Variants in PSPC1 observed in about 807,000 individuals in gnomAD.
PSPC1 encodes paraspeckle protein 1.
Under a neutral mutation model 51.6 loss-of-function variants are expected in PSPC1, and 14 were observed. That is an observed-to-expected ratio of 0.27 (90% CI 0.18 to 0.42). The LOEUF (loss-of-function observed/expected upper bound fraction) is 0.42. PSPC1 is among the 10% of genes least tolerant of loss of function. PSPC1 has a pLI of 1.00. For synonymous variants in PSPC1, 193 were observed against 231.9 expected (o/e 0.83, Z 1.53); for missense variants, 406 against 701.1 (o/e 0.58, Z 4.75).
At chr13:19,697,643 T>C (rs1360518527), downstream of PSPC1, among the ~76,000 whole-genome samples, 1 of 152,122 alleles carries the variant, frequency 6.6e-6, no homozygotes, top group Non-Finnish European at 1.5e-5. Flanking sequence ...ACTCAAAGAA[T>C]TAACATACAG....
At chr13:19,710,181 GA>G (rs1417366723) in intron 6 of PSPC1, among the ~76,000 whole-genome samples, 1 of 152,116 alleles carries the variant, frequency 6.6e-6, no homozygotes, top group Non-Finnish European at 1.5e-5. Context: ...AGCAATTACT[GA>G]AAGCTCGACA....
At chr13:19,674,431 C>G (rs1481922102), downstream of PSPC1, among the ~76,000 whole-genome samples, 4 of 152,188 alleles carry the variant, frequency 2.6e-5, no homozygotes, top group African/African-American at 9.7e-5. Context: ...TCAGGAGAGT[C>G]TATTTGAAGC....
intron 5 of PSPC1, among the ~76,000 whole-genome samples, chr13:19,735,969 C>T (rs1000871752): frequency 1.3e-4 from 20 of 152,102 alleles, no homozygotes; most frequent in Non-Finnish European, 2.4e-4. Context: ...TACAGGCGCC[C>T]GCCACCACGT....
intron 6 of PSPC1, among the ~76,000 whole-genome samples, chr13:19,720,313 T>C (rs1284196080): frequency 6.6e-6 from 1 of 152,114 alleles, no homozygotes; most frequent in Non-Finnish European, 1.5e-5. Context: ...GGTCAAGGTA[T>C]GAAAGGTGAA....
intron 6 of PSPC1, among the ~76,000 whole-genome samples, chr13:19,687,499 CCAAGAT>C (rs1363696042): frequency 6.6e-6 from 1 of 152,184 alleles, no homozygotes; most frequent in Non-Finnish European, 1.5e-5. Flanking sequence ...AATTCTCTAG[CCAAGAT>C]CTTTTCCCCG....
chr13:19,686,057 G>C (rs999783606), intron 6 of PSPC1, among the ~76,000 whole-genome samples: 2 of 152,134 alleles, frequency 1.3e-5, no homozygotes, highest in Non-Finnish European at 2.9e-5. Context: ...CAACTCTCCT[G>C]ACTGATCTAA....
At chr13:19,696,194 A>G (rs1379159974) in intron 6 of PSPC1, among the ~76,000 whole-genome samples, 1 of 152,230 alleles carries the variant, frequency 6.6e-6, no homozygotes, top group East Asian at 1.9e-4. Flanking sequence ...ATTTTAGGGT[A>G]GTTTTTGGGA....
chr13:19,694,144 A>C (rs1878920649), intron 6 of PSPC1, among the ~76,000 whole-genome samples: 3 of 49,698 alleles, frequency 6.0e-5, no homozygotes, highest in South Asian at 7.9e-4. Flanking sequence ...AAAAAAAAAA[A>C]AAAAAACCAT....
intron 6 of PSPC1, among the ~76,000 whole-genome samples, chr13:19,688,535 T>G (rs1353051533): frequency 2.0e-5 from 3 of 152,208 alleles, no homozygotes; most frequent in African/African-American, 7.2e-5. Flanking sequence ...CTTTCTCCCT[T>G]AAGATCTTTT....
At chr13:19,731,376 CT>C (rs1884093048) in intron 5 of PSPC1, among the ~76,000 whole-genome samples, 2 of 151,628 alleles carry the variant, frequency 1.3e-5, no homozygotes, top group South Asian at 2.1e-4. Flanking sequence ...ATTCTTGAAT[CT>C]TTCTAAACCT....
intron 6 of PSPC1, among the ~76,000 whole-genome samples, chr13:19,722,653 G>A (rs1308237836): frequency 6.6e-6 from 1 of 151,742 alleles, no homozygotes; most frequent in African/African-American, 2.4e-5. Context: ...AATTAGCTGG[G>A]CATGGTGGCG....
At chr13:19,677,150 A>ATG (rs1565950902) in intron 7 of PSPC1, among the ~76,000 whole-genome samples, 1 of 151,160 alleles carries the variant, frequency 6.6e-6, no homozygotes, top group East Asian at 2.0e-4. Flanking sequence ...GGAGAATGGC[A>ATG]TGAACCCGGG....
In PSPC1 at chr13:19,728,961, A is replaced by G. The variant is rs188329193; in HGVS notation, c.1158+1278T>C. Among the ~76,000 whole-genome samples, 29 of 152,312 alleles carry G rather than the reference A, an allele frequency of 1.9e-4. No homozygotes were observed. The East Asian group carries it at 4.6e-3, about 24-fold the overall frequency. On this transcript the variant is annotated intron_variant, in intron 6 of 8. Coordinates refer to ENST00000338910, the MANE Select transcript of PSPC1 (RefSeq NM_001354909.2). ...GACACTATAAAAAGGTCAGAAAAAA[A>G]TATTTTAAGTTATTGCGAGTCACAA...
At chr13:19,686,816 T>A (rs923741075) in intron 6 of PSPC1, among the ~76,000 whole-genome samples, 3 of 152,208 alleles carry the variant, frequency 2.0e-5, no homozygotes, top group African/African-American at 7.2e-5. Flanking sequence ...TTTAGGTAAC[T>A]TTTAAGTTTG....
intron 5 of PSPC1, among the ~76,000 whole-genome samples, chr13:19,731,569 A>G (rs1884123927): frequency 6.6e-6 from 1 of 152,086 alleles, no homozygotes; most frequent in Non-Finnish European, 1.5e-5. Context: ...ACGTGCCACT[A>G]TGTCCAGATA....
intron 3 of PSPC1, among the ~76,000 whole-genome samples, chr13:19,755,411 A>C (rs576619518): frequency 2.6e-5 from 4 of 152,104 alleles, no homozygotes; most frequent in African/African-American, 9.6e-5. Context: ...AACATAGTGA[A>C]ACTCCATCTC....
chr13:19,717,399 A>C (rs1406073992), intron 6 of PSPC1, among the ~76,000 whole-genome samples: 18 of 150,472 alleles, frequency 1.2e-4, no homozygotes, highest in Admixed American at 5.3e-4. Flanking sequence ...AACCCCATAA[A>C]TACTAAAAAT....
downstream of PSPC1, among the ~76,000 whole-genome samples, chr13:19,674,088 C>T (rs894549957): frequency 6.6e-6 from 1 of 152,234 alleles, no homozygotes; most frequent in Admixed American, 6.5e-5. Flanking sequence ...GGATGCATGG[C>T]TGTGGCCAGA....
At chr13:19,674,402 A>ATCTT (rs960517779), downstream of PSPC1, among the ~76,000 whole-genome samples, 13 of 152,312 alleles carry the variant, frequency 8.5e-5, no homozygotes, top group East Asian at 1.5e-3. Flanking sequence ...AATGTGGAGA[A>ATCTT]TCTTACTCAG....
Sources: allele counts gnomAD v4.1 joint callset (sites outside exome capture counted in the v4.1 genomes callset), GRCh38; gene constraint gnomAD v4.1.1; transcripts MANE v1.5; gene names NCBI Gene and HGNC (gene_info 2026-07-23, HGNC 2026-07-21).